The following TIAM1 variants were observed in gnomAD, a reference collection of about 807,000 sequenced individuals.
The protein encoded by TIAM1 is rho guanine nucleotide exchange factor TIAM1.
In TIAM1, 65 loss-of-function variants were observed where a neutral mutation model predicts 163.5. The observed-to-expected ratio is 0.40, with a 90% CI of 0.33 to 0.49. The LOEUF is 0.49. Among genes scored for constraint, TIAM1 ranks in the 20% least tolerant of loss-of-function variants. TIAM1 has a pLI of 0.77. For missense variants in TIAM1, 1,789 were observed against 2,044.7 expected (o/e 0.87, Z 2.41); for synonymous variants, 833 against 810.1 (o/e 1.03, Z -0.48).
Position 31,251,740 on chromosome 21 carries a change from A to G in TIAM1, c.1411+2T>C. 1 of 1,578,102 alleles carries G rather than the reference A, an allele frequency of 6.3e-7. No individual in the cohort carries two copies. The highest frequency in any genetic ancestry group is 8.6e-7 in the Non-Finnish European group (1 of 1,157,702). Reference sequence around the variant, plus strand: ...ACATAGCCGGGGCCCTCCCGCTCTCACCTTTCAGGGACACCCAGTAGTGCT... The same window carrying G: ...ACATAGCCGGGGCCCTCCCGCTCTCGCCTTTCAGGGACACCCAGTAGTGCT... On this transcript the variant is annotated splice_donor_variant, in intron 5 of 27. Transcript: ENST00000541036. LOFTEE classifies it high-confidence loss of function.
intron 15 of TIAM1, among the ~76,000 whole-genome samples, chr21:31,175,235 G>A (rs182491235): frequency 7.2e-5 from 11 of 152,154 alleles, no homozygotes; most frequent in African/African-American, 2.4e-4. Flanking sequence ...GAGCCACAAC[G>A]AACGCTTGGC....
intron 2 of TIAM1, among the ~76,000 whole-genome samples, chr21:31,435,206 G>A (rs1198613453): frequency 6.6e-6 from 1 of 152,142 alleles, no homozygotes; most frequent in East Asian, 1.9e-4. Flanking sequence ...CAGCCTTCAT[G>A]TCTTTAAAAC....
intron 2 of TIAM1, among the ~76,000 whole-genome samples, chr21:31,297,390 A>G (rs755482131): frequency 1.3e-5 from 2 of 152,096 alleles, no homozygotes; most frequent in Non-Finnish European, 2.9e-5. Flanking sequence ...TGGCCACATA[A>G]CAGTGTGAAC....
intron 1 of TIAM1, among the ~76,000 whole-genome samples, chr21:31,339,976 T>A (rs1422339899): frequency 6.6e-6 from 1 of 152,092 alleles, no homozygotes; most frequent in Non-Finnish European, 1.5e-5. Flanking sequence ...CACCACTGGG[T>A]CATAGTGGGC....
chr21:31,369,535 A>G (rs1304267716), intron 2 of TIAM1, among the ~76,000 whole-genome samples: 1 of 152,208 alleles, frequency 6.6e-6, no homozygotes, highest in Non-Finnish European at 1.5e-5. Flanking sequence ...TTTATTGTAC[A>G]TTTTCAAAAA....
rs371730791 is a variant in TIAM1 at position 31,266,963 on chromosome 21, C to T, written c.10G>A (p.Ala4Thr). 40 of 1,601,412 alleles carry T rather than the reference C, an allele frequency of 2.5e-5. No homozygotes were observed. The South Asian group carries it at 2.9e-4, about 12-fold the overall frequency. Residue 4 changes from alanine (A) to threonine (T), a missense_variant, in exon 4 of 28, where the codon GCA (alanine) becomes ACA (threonine). Around this residue, in one of 5 missense-constraint regions of TIAM1, gnomAD observed 555 missense variants for 564.9 expected, o/e 0.98. Coordinates refer to ENST00000541036, the MANE Select transcript of TIAM1 (RefSeq NM_001353694.2). ...TCGTGCTCTACATGTTGACTTTCTG[C>T]GTTTCCCATGGTTTTATGGTCTGCA... MGN[A>T]ESQHVEHEFY...
intron 14 of TIAM1, among the ~76,000 whole-genome samples, chr21:31,185,583 AATATATT>A (rs1177825080): frequency 4.3e-5 from 6 of 139,298 alleles, no homozygotes; most frequent in Non-Finnish European, 7.5e-5. Context: ...ATATTAATAT[AATATATT>A]ATATATCATA....
At position 31,305,318 on chromosome 21, in the gene TIAM1, T is replaced by C. The variant is rs777041062; in HGVS notation, c.-188-28410A>G. ...AAATTAGATGATACCGAATAAGCGATTGGTTCTACAACTGGCCAAAAAGGC... is the reference window on the plus strand; with the variant it reads ...AAATTAGATGATACCGAATAAGCGACTGGTTCTACAACTGGCCAAAAAGGC... On this transcript the variant is annotated intron_variant, in intron 2 of 27. Coordinates refer to ENST00000541036, the MANE Select transcript of TIAM1 (RefSeq NM_001353694.2). 7.2e-5 allele frequency among the ~76,000 whole-genome samples: 11 copies of C among 151,972 alleles called. No homozygotes were observed. In the East Asian group the frequency reaches 1.5e-3, roughly 21 times the overall value.
At chr21:31,196,044 G>A (rs913036716) in intron 12 of TIAM1, among the ~76,000 whole-genome samples, 1 of 152,068 alleles carries the variant, frequency 6.6e-6, no homozygotes, top group Non-Finnish European at 1.5e-5. Context: ...GTAATATCCA[G>A]AAACTATAAG....
At chr21:31,124,995 C>A (rs1370249704) in intron 26 of TIAM1, among the ~76,000 whole-genome samples, 1 of 152,116 alleles carries the variant, frequency 6.6e-6, no homozygotes, top group Non-Finnish European at 1.5e-5. Context: ...CTGCTCCTGG[C>A]ACTCAAGGCA....
intron 1 of TIAM1, among the ~76,000 whole-genome samples, chr21:31,504,125 G>A (rs1569394115): frequency 6.6e-6 from 1 of 152,202 alleles, no homozygotes; most frequent in Non-Finnish European, 1.5e-5. Context: ...AGTTAAGCAT[G>A]GGCGTGCAAA....
intron 1 of TIAM1, 136 bp from the exon 2 acceptor site, chr21:31,339,558 A>G (rs2075954326): frequency 2.5e-6 from 1 of 395,066 alleles, no homozygotes; most frequent in Non-Finnish European, 4.5e-6. Context: ...CACTCAATAC[A>G]TTAGAGTATG....
intron 12 of TIAM1, among the ~76,000 whole-genome samples, chr21:31,202,420 G>C (rs956082688): frequency 6.6e-6 from 1 of 151,508 alleles, no homozygotes; most frequent in Non-Finnish European, 1.5e-5. Context: ...ATAAAAGTTC[G>C]TCAGCCATGG....
intron 3 of TIAM1, among the ~76,000 whole-genome samples, chr21:31,272,819 A>C (rs2073122655): frequency 6.6e-6 from 1 of 152,216 alleles, no homozygotes. Flanking sequence ...CAACAACAAC[A>C]ACAAAAAAGC....
chr21:31,397,237 A>G (rs1424327047), intron 2 of TIAM1, among the ~76,000 whole-genome samples: 1 of 152,194 alleles, frequency 6.6e-6, no homozygotes, highest in Non-Finnish European at 1.5e-5. Context: ...ATGATCTCTT[A>G]ACAAAGAACT....
intron 3 of TIAM1, among the ~76,000 whole-genome samples, chr21:31,272,750 C>CAAATATAG (rs2073118139): frequency 6.6e-6 from 1 of 152,072 alleles, no homozygotes; most frequent in Non-Finnish European, 1.5e-5. Flanking sequence ...AGTTGAATCC[C>CAAATATAG]CTTTTATTTT....
At chr21:31,269,667 G>GTTTTT (rs1383457242) in intron 3 of TIAM1, among the ~76,000 whole-genome samples, 12 of 130,630 alleles carry the variant, frequency 9.2e-5, no homozygotes, top group African/African-American at 3.7e-4. Flanking sequence ...CTTTAAGTTT[G>GTTTTT]TTTGTTTTTT....
intron 1 of TIAM1, among the ~76,000 whole-genome samples, chr21:31,469,695 G>A: frequency 6.6e-6 from 1 of 151,902 alleles, no homozygotes; most frequent in East Asian, 2.0e-4. Flanking sequence ...AGCCGGGTGT[G>A]GTGGCGGGCG....
At chr21:31,163,886 C>A (rs772336440) in intron 16 of TIAM1, among the ~76,000 whole-genome samples, 2 of 151,948 alleles carry the variant, frequency 1.3e-5, no homozygotes. Flanking sequence ...AAAGAGAGAT[C>A]GTAGAGAAAT....
Sources: allele counts gnomAD v4.1 joint callset (sites outside exome capture counted in the v4.1 genomes callset), GRCh38; gene constraint gnomAD v4.1.1; regional missense constraint gnomAD v4.1.1; transcripts MANE v1.5; gene names NCBI Gene and HGNC (gene_info 2026-07-23, HGNC 2026-07-21).